RAD51B: variants seen among roughly 807,000 people sequenced by gnomAD.
The protein encoded by RAD51B is DNA repair protein RAD51 homolog 2.
In RAD51B, 38 loss-of-function variants were observed where a neutral mutation model predicts 42.2. That is an observed-to-expected ratio of 0.90 (90% CI 0.70 to 1.18). The LOEUF (loss-of-function observed/expected upper bound fraction) is 1.18. RAD51B is among the 50% of genes most tolerant of loss of function. The pLI, the probability that RAD51B is intolerant of heterozygous loss-of-function variation, is 0.00. For synonymous variants in RAD51B, 154 were observed against 145.2 expected (o/e 1.06, Z -0.43); for missense variants, 373 against 400.7 (o/e 0.93, Z 0.59).
chr14:68,042,515 A>C (rs2076233401), intron 7 of RAD51B, among the ~76,000 whole-genome samples: 1 of 152,204 alleles, frequency 6.6e-6, no homozygotes, highest in Admixed American at 6.5e-5. Flanking sequence ...ACCTATCCCT[A>C]ACCCAGATTT....
At position 68,477,747 on chromosome 14, in the gene RAD51B, G is replaced by A. The variant is rs36103282; in HGVS notation, c.*83G>A. ...ACCGTACTGCTTGGAAGAAGGAAAC[G>A]GAAGCTGACATAATGGGGATTAATT... On this transcript the variant is annotated 3_prime_UTR_variant, in exon 11 of 11. Coordinates refer to ENST00000471583, the MANE Select transcript of RAD51B (RefSeq NM_133510.4). 3.8e-3 allele frequency: 6,073 copies of A among 1,578,186 alleles called. 174 individuals are homozygous for A. In the African/African-American group the frequency reaches 0.07, roughly 18 times the overall value.
chr14:68,010,442 A>C (rs2075665502), intron 7 of RAD51B, among the ~76,000 whole-genome samples: 1 of 151,852 alleles, frequency 6.6e-6, no homozygotes, highest in Non-Finnish European at 1.5e-5. Flanking sequence ...TTCATTAGAA[A>C]AACTGATAGT....
chr14:68,664,018 T>C (rs946631493), intron 11 of RAD51B, among the ~76,000 whole-genome samples: 5 of 152,238 alleles, frequency 3.3e-5, no homozygotes, highest in African/African-American at 9.6e-5. Flanking sequence ...GCTTTGGTGC[T>C]AGAATACGCT....
At chr14:68,654,228 C>G (rs927241068) in intron 11 of RAD51B, among the ~76,000 whole-genome samples, 1 of 152,184 alleles carries the variant, frequency 6.6e-6, no homozygotes, top group Admixed American at 6.5e-5. Flanking sequence ...AGGGAATAAG[C>G]CCAGCGCTAC....
At chr14:68,033,991 TA>T (rs1271662285) in intron 7 of RAD51B, among the ~76,000 whole-genome samples, 2 of 152,148 alleles carry the variant, frequency 1.3e-5, no homozygotes, top group Non-Finnish European at 2.9e-5. Context: ...GTAGTCTTTT[TA>T]AAAAAACAAA....
intron 7 of RAD51B, among the ~76,000 whole-genome samples, chr14:67,963,343 A>G (rs1204680466): frequency 2.6e-5 from 4 of 152,130 alleles, no homozygotes; most frequent in African/African-American, 9.6e-5. Flanking sequence ...AATGTCACTA[A>G]TTGCTAATCT....
At chr14:68,663,234 T>C (rs772777454) in intron 11 of RAD51B, among the ~76,000 whole-genome samples, 30 of 151,978 alleles carry the variant, frequency 2.0e-4, no homozygotes, top group Non-Finnish European at 3.8e-4. Flanking sequence ...ACCAGCAGGG[T>C]TGAGGTTGCA....
intron 7 of RAD51B, among the ~76,000 whole-genome samples, chr14:68,275,310 A>G (rs982129490): frequency 1.3e-5 from 2 of 152,180 alleles, no homozygotes; most frequent in African/African-American, 4.8e-5. Context: ...TAACATTCTT[A>G]TAGTTGTATT....
intron 7 of RAD51B, among the ~76,000 whole-genome samples, chr14:68,232,085 T>TA (rs5809372): frequency 0.16 from 23,967 of 152,124 alleles, 2,006 homozygotes; most frequent in Middle Eastern, 0.35. Context: ...CTCGTAGAGA[T>TA]AAATAGTTGG....
chr14:68,355,944 G>GT (rs1165560142), intron 8 of RAD51B, among the ~76,000 whole-genome samples: 8 of 151,938 alleles, frequency 5.3e-5, no homozygotes, highest in Non-Finnish European at 1.0e-4. Flanking sequence ...ATTCATTTAG[G>GT]TTTTTTTATA....
chr14:68,427,200 C>T lies in RAD51B; in HGVS notation c.957+15673C>T, dbSNP rs75742384. ...GGGGCAGAGCCATGGCAGAGAGCCC[C>T]ATCTAGGGCAATGCTTACTGGAACT... On this transcript the variant is annotated intron_variant, in intron 9 of 10. Transcript: ENST00000471583. 7.5e-3 allele frequency among the ~76,000 whole-genome samples: 1,138 copies of T among 152,338 alleles called. 7 individuals are homozygous for T. The highest frequency in any genetic ancestry group is 0.026 in the African/African-American group (1,077 of 41,564).
intron 4 of RAD51B, among the ~76,000 whole-genome samples, chr14:67,864,563 A>G (rs2042263381): frequency 1.3e-5 from 2 of 152,236 alleles, no homozygotes; most frequent in South Asian, 4.1e-4. Context: ...CTAGTGCAAC[A>G]TTGTTTTGAA....
intron 7 of RAD51B, among the ~76,000 whole-genome samples, chr14:68,257,122 T>C (rs1407143730): frequency 6.6e-6 from 1 of 152,218 alleles, no homozygotes; most frequent in Non-Finnish European, 1.5e-5. Flanking sequence ...TGTTGTATGA[T>C]TCCACTTATA....
intron 8 of RAD51B, among the ~76,000 whole-genome samples, chr14:68,296,951 C>G (rs918776540): frequency 7.9e-5 from 12 of 152,142 alleles, no homozygotes; most frequent in Non-Finnish European, 1.0e-4. Context: ...TTCCTAGAAC[C>G]AAGAGTGGTT....
chr14:68,219,704 C>A (rs1463923811), intron 7 of RAD51B, among the ~76,000 whole-genome samples: 1 of 152,144 alleles, frequency 6.6e-6, no homozygotes, highest in African/African-American at 2.4e-5. Flanking sequence ...AATCCCAGAT[C>A]TTACCTCTGA....
At chr14:68,530,286 A>C (rs1388091529) in intron 10 of RAD51B, among the ~76,000 whole-genome samples, 1 of 143,612 alleles carries the variant, frequency 7.0e-6, no homozygotes, top group African/African-American at 2.5e-5. Flanking sequence ...TCTACAAAAA[A>C]TTTAAAAAAA....
At chr14:67,928,087 T>G (rs2044590919) in intron 7 of RAD51B, among the ~76,000 whole-genome samples, 1 of 152,180 alleles carries the variant, frequency 6.6e-6, no homozygotes, top group African/African-American at 2.4e-5. Flanking sequence ...TGAGTTTTTC[T>G]TTATACATTT....
At chr14:68,502,857 T>G (rs1441587557) in intron 10 of RAD51B, among the ~76,000 whole-genome samples, 1 of 152,150 alleles carries the variant, frequency 6.6e-6, no homozygotes, top group African/African-American at 2.4e-5. Flanking sequence ...TGTGGACTCC[T>G]TTATCGTGGT....
intron 10 of RAD51B, among the ~76,000 whole-genome samples, chr14:68,526,383 C>T (rs1886932032): frequency 6.6e-6 from 1 of 152,134 alleles, no homozygotes; most frequent in Admixed American, 6.5e-5. Context: ...ACGATGTTTC[C>T]ACAGCAACAA....
Sources: gnomAD v4.1 joint callset for allele counts (sites outside exome capture counted in the v4.1 genomes callset) on GRCh38, gnomAD v4.1.1 for gene constraint, MANE v1.5 for transcripts, NCBI Gene and HGNC (gene_info 2026-07-23, HGNC 2026-07-21) for gene names.